PTPRM: variants seen among roughly 807,000 people sequenced by gnomAD.
The protein encoded by PTPRM is receptor-type tyrosine-protein phosphatase mu.
A neutral mutation model predicts 186.7 loss-of-function variants in PTPRM; 47 were observed. The ratio of observed to expected loss-of-function variants is 0.25; its 90% CI spans 0.20 to 0.32. The LOEUF (loss-of-function observed/expected upper bound fraction) is 0.32. Ranked by LOEUF, PTPRM falls within the 10% of genes least tolerant of loss-of-function variation. PTPRM has a pLI of 1.00. For missense variants in PTPRM, 1,494 were observed against 1,865.0 expected (o/e 0.80, Z 3.66); for synonymous variants, 668 against 674.9 (o/e 0.99, Z 0.16).
At chr18:7,916,537 C>G (rs527258020) in intron 4 of PTPRM, among the ~76,000 whole-genome samples, 1 of 152,284 alleles carries the variant, frequency 6.6e-6, no homozygotes, top group South Asian at 2.1e-4. Flanking sequence ...GGACCCTCTT[C>G]TGGGTTGCAG....
chr18:8,211,698 C>T (rs545019525), intron 14 of PTPRM, among the ~76,000 whole-genome samples: 58 of 152,240 alleles, frequency 3.8e-4, no homozygotes, highest in Non-Finnish European at 6.8e-4. Flanking sequence ...CCACCGTGCC[C>T]AGCCAGGTCT....
At chr18:8,226,880 C>A (rs1196121089) in intron 14 of PTPRM, among the ~76,000 whole-genome samples, 1 of 152,128 alleles carries the variant, frequency 6.6e-6, no homozygotes, top group African/African-American at 2.4e-5. Context: ...CTGGAGACTA[C>A]CCGCATTCCT....
chr18:8,177,887 T>C (rs1431066692), intron 14 of PTPRM, among the ~76,000 whole-genome samples: 1 of 152,200 alleles, frequency 6.6e-6, no homozygotes. Flanking sequence ...ATGAGCTGTT[T>C]GTATGCACAG....
At position 8,285,709 on chromosome 18, in the gene PTPRM, T is replaced by G. The variant is rs567218089; in HGVS notation, c.2755-10659T>G. On this transcript the variant is annotated intron_variant, in intron 19 of 32. Transcript: ENST00000580170. ...TTACCTGAGGAAAGAGTTCTTGGCT[T>G]GGCTGGGCGTGGTGGCTCACGACTG... Among the ~76,000 whole-genome samples, 238 of 152,254 alleles carry G rather than the reference T, an allele frequency of 1.6e-3. 2 individuals carry two copies. Among genetic ancestry groups the G allele is most frequent in the African/African-American group, 5.6e-3 (232 of 41,546 alleles).
chr18:7,840,603 T>C lies in PTPRM; in HGVS notation c.197-47503T>C, dbSNP rs117551957. 3.2e-4 allele frequency among the ~76,000 whole-genome samples: 48 copies of C among 152,334 alleles called. No individual in the cohort carries two copies. In the East Asian group the frequency reaches 7.9e-3, roughly 25 times the overall value. ...GTGTGTCTGTTATTTTCAGGCAAGA[T>C]TCAACTTCCTGTTCAGACTCCAGAA... On this transcript the variant is annotated intron_variant, in intron 2 of 32. Coordinates refer to ENST00000580170, the MANE Select transcript of PTPRM (RefSeq NM_001105244.2).
chr18:8,093,265 A>G (rs936102238), intron 11 of PTPRM, among the ~76,000 whole-genome samples: 1 of 152,042 alleles, frequency 6.6e-6, no homozygotes, highest in African/African-American at 2.4e-5. Flanking sequence ...GAGCATGCCA[A>G]CCTCATGGGG....
intron 13 of PTPRM, among the ~76,000 whole-genome samples, chr18:8,118,799 CA>C (rs71354599): frequency 2.0e-3 from 234 of 119,374 alleles, no homozygotes; most frequent in East Asian, 0.015. Context: ...CATTCCATCT[CA>C]AAAAAAAAAA....
At chr18:7,823,769 G>A (rs2045335478) in intron 2 of PTPRM, among the ~76,000 whole-genome samples, 1 of 152,198 alleles carries the variant, frequency 6.6e-6, no homozygotes, top group African/African-American at 2.4e-5. Context: ...CGGCTTCCCT[G>A]CTTTTGAGGT....
chr18:8,073,538 C>T (rs959739930), intron 8 of PTPRM, among the ~76,000 whole-genome samples: 4 of 152,102 alleles, frequency 2.6e-5, no homozygotes, highest in South Asian at 4.2e-4. Context: ...TCAATGTAGT[C>T]GTATATAAAT....
At chr18:7,979,384 G>A (rs868621147) in intron 7 of PTPRM, among the ~76,000 whole-genome samples, 78 of 152,174 alleles carry the variant, frequency 5.1e-4, no homozygotes, top group African/African-American at 1.9e-3. Flanking sequence ...AATTCTTACC[G>A]ATAGGTTCAT....
chr18:7,584,928 G>A lies in PTPRM; in HGVS notation c.73+17037G>A, dbSNP rs909582537. Among the ~76,000 whole-genome samples the A allele has an allele frequency of 3.9e-5, 6 of 152,308 alleles. No individual in the cohort carries two copies. In the South Asian group the frequency reaches 6.2e-4, roughly 16 times the overall value. On this transcript the variant is annotated intron_variant, in intron 1 of 32. Coordinates refer to ENST00000580170, the MANE Select transcript of PTPRM (RefSeq NM_001105244.2). ...AAGGTTTCCAAGATGAGGGTTTGTC[G>A]TTAAGGAGCTCACAGGAAAACTGAA...
Position 8,380,417 on chromosome 18 carries a change from A to G in PTPRM, c.3908A>G (p.Asp1303Gly). ...CTSVVMLNDV[D>G]PAQLCPQYWP... ...TCCGTAGTTATGCTAAATGATGTGG[A>G]TCCTGCCCAGGTGAGACCCGGACTT... Residue 1303 changes from aspartate to glycine, a missense_variant, in exon 29 of 33, where the codon GAT (aspartate) becomes GGT (glycine). By Grantham distance (94) the Asp-to-Gly change is moderately conservative (BLOSUM62 -1). Transcript: ENST00000580170. 6.2e-7 allele frequency: 1 copy of G among 1,614,196 alleles called. No homozygotes were observed. The highest frequency in any genetic ancestry group is 8.5e-7 in the Non-Finnish European group (1 of 1,180,036).
chr18:7,689,257 G>A (rs1419701438), intron 1 of PTPRM, among the ~76,000 whole-genome samples: 2 of 152,224 alleles, frequency 1.3e-5, no homozygotes, highest in Non-Finnish European at 2.9e-5. Flanking sequence ...GAGAAGATAA[G>A]TTAAAGAAGA....
At chr18:7,738,939 C>T (rs1167420564) in intron 1 of PTPRM, among the ~76,000 whole-genome samples, 3 of 152,156 alleles carry the variant, frequency 2.0e-5, no homozygotes, top group African/African-American at 7.2e-5. Flanking sequence ...ACTGGCAGCA[C>T]ACCGCCAGAC....
intron 2 of PTPRM, among the ~76,000 whole-genome samples, chr18:7,854,133 T>C (rs2046988066): frequency 6.6e-6 from 1 of 152,170 alleles, no homozygotes; most frequent in African/African-American, 2.4e-5. Context: ...AGGAAAATAA[T>C]TCCTTCAGCT....
In PTPRM at chr18:8,088,864, G is replaced by T; in HGVS notation, c.1856+13G>T. On this transcript the variant is annotated intron_variant, in intron 11 of 32. Coordinates refer to ENST00000580170, the MANE Select transcript of PTPRM (RefSeq NM_001105244.2). ...GAGCACCTGTCAGGTATGGAACAGA[G>T]GGTTGGGCCGGCTCTAGATAGAAGA... is the stretch of plus-strand genomic sequence containing the variant. 3 of 1,570,150 alleles carry T rather than the reference G, an allele frequency of 1.9e-6. No individual in the cohort carries two copies. Among genetic ancestry groups the T allele is most frequent in the Non-Finnish European group, 2.6e-6 (3 of 1,140,704 alleles).
chr18:8,123,374 G>A (rs1391831506), intron 13 of PTPRM, among the ~76,000 whole-genome samples: 1 of 152,168 alleles, frequency 6.6e-6, no homozygotes, highest in Admixed American at 6.5e-5. Context: ...TTAACTCATG[G>A]TAGTAAATTA....
At chr18:7,947,674 C>T (rs114774466) in intron 5 of PTPRM, among the ~76,000 whole-genome samples, 1,825 of 152,202 alleles carry the variant, frequency 0.012, 25 homozygotes, top group African/African-American at 0.041. Context: ...AACTAGAATG[C>T]TCTTCCCCTC....
intron 2 of PTPRM, among the ~76,000 whole-genome samples, chr18:7,866,182 CT>C (rs1190270542): frequency 6.6e-6 from 1 of 151,920 alleles, no homozygotes; most frequent in East Asian, 1.9e-4. Context: ...TGTCTCTTGT[CT>C]TTTTCAGTTC....
Sources: allele counts gnomAD v4.1 joint callset (sites outside exome capture counted in the v4.1 genomes callset), GRCh38; gene constraint gnomAD v4.1.1; transcripts MANE v1.5; gene names NCBI Gene and HGNC (gene_info 2026-07-23, HGNC 2026-07-21).